SLC24A4: variants seen among roughly 807,000 people sequenced by gnomAD.
The protein encoded by SLC24A4 is sodium/potassium/calcium exchanger 4.
In SLC24A4, 53 loss-of-function variants were observed where a neutral mutation model predicts 79.0. The observed-to-expected ratio is 0.67, with a 90% CI of 0.54 to 0.84. SLC24A4 has a LOEUF of 0.84. Ranked by LOEUF, SLC24A4 falls within the 40% of genes least tolerant of loss-of-function variation. The pLI, the probability that SLC24A4 is intolerant of heterozygous loss-of-function variation, is 0.00. For missense variants in SLC24A4, 731 were observed against 822.0 expected, an observed-to-expected ratio of 0.89 and a Z score of 1.35; for synonymous variants, 323 against 323.8, an observed-to-expected ratio of 1.00 and a Z score of 0.03.
intron 2 of SLC24A4, among the ~76,000 whole-genome samples, chr14:92,326,743 G>A (rs1185167161): frequency 6.6e-6 from 1 of 152,170 alleles, no homozygotes; most frequent in African/African-American, 2.4e-5. Flanking sequence ...TTGTGAGGAG[G>A]ATCTGGGGGG....
chr14:92,335,684 G>C (rs911604804), intron 2 of SLC24A4, among the ~76,000 whole-genome samples: 2 of 152,190 alleles, frequency 1.3e-5, no homozygotes, highest in African/African-American at 4.8e-5. Context: ...GGTTTTGATA[G>C]ATGTGTGATG....
At chr14:92,362,947 A>G (rs1445924894) in intron 2 of SLC24A4, among the ~76,000 whole-genome samples, 1 of 152,198 alleles carries the variant, frequency 6.6e-6, no homozygotes, top group Non-Finnish European at 1.5e-5. Flanking sequence ...TGCTGCAGGG[A>G]GCACCCGAGA....
At chr14:92,355,960 GGT>G (rs1353783016) in intron 2 of SLC24A4, among the ~76,000 whole-genome samples, 2 of 152,180 alleles carry the variant, frequency 1.3e-5, no homozygotes, top group African/African-American at 4.8e-5. Flanking sequence ...GACTTACAAT[GGT>G]TTGACTTAGG....
intron 12 of SLC24A4, among the ~76,000 whole-genome samples, chr14:92,461,697 A>G (rs1191386852): frequency 6.6e-6 from 1 of 152,192 alleles, no homozygotes; most frequent in African/African-American, 2.4e-5. Flanking sequence ...GGACTGCAAC[A>G]TATGAATTTG....
At chr14:92,388,457 A>G (rs1889288036) in intron 2 of SLC24A4, among the ~76,000 whole-genome samples, 1 of 146,632 alleles carries the variant, frequency 6.8e-6, no homozygotes, top group South Asian at 2.1e-4. Flanking sequence ...CAAAGCTCCC[A>G]GTGGCCGACT....
chr14:92,348,020 A>G (rs1382385046), intron 2 of SLC24A4, among the ~76,000 whole-genome samples: 1 of 152,260 alleles, frequency 6.6e-6, no homozygotes, highest in East Asian at 1.9e-4. Flanking sequence ...GGTTGTTCTC[A>G]TCATATTCAA....
chr14:92,339,899 G>C lies in SLC24A4; in HGVS notation c.241+13921G>C, dbSNP rs548765468. On this transcript the variant is annotated intron_variant, in intron 2 of 16. Transcript: ENST00000532405. ...ATAGGGAGAATAATGAGAAGTTATT[G>C]CAAAGAGTCTTAGGCAGAAGTGATT... Among the ~76,000 whole-genome samples the C allele has an allele frequency of 2.8e-4, 42 of 152,326 alleles. 2 individuals carry two copies. Among genetic ancestry groups the C allele is most frequent in the African/African-American group, 7.2e-4 (30 of 41,576 alleles).
Position 92,323,565 on chromosome 14 carries a change from G to C in SLC24A4, c.-266G>C, listed in dbSNP as rs1884918981. Reference sequence around the variant, plus strand: ...CCGGGCCGCCAGCGCCACCGTGCCGGCGTCGCCTCCTCGCCACGGAGCCAT... The same window carrying C: ...CCGGGCCGCCAGCGCCACCGTGCCGCCGTCGCCTCCTCGCCACGGAGCCAT... On this transcript the variant is annotated 5_prime_UTR_variant, in exon 1 of 17. Transcript: ENST00000532405. This position sits in a 1 kb window ranked among gnomAD's most constrained non-coding sequence, Gnocchi z 4.9. The C allele has an allele frequency of 7.2e-6, 2 of 278,158 alleles. No homozygotes were observed. The allele number at this position is 278,158 out of a possible 1,614,324, so 17.2% of individuals were successfully genotyped here. A position where few individuals can be genotyped will look rare whatever the true frequency, so the allele number is the denominator to read the frequency against.
In SLC24A4 at chr14:92,398,490, G is replaced by A. The variant is rs373501834; in HGVS notation, c.242-35422G>A. Among the ~76,000 whole-genome samples, 23 of 152,160 alleles carry A rather than the reference G, an allele frequency of 1.5e-4. No individual in the cohort carries two copies. Among genetic ancestry groups the A allele is most frequent in the African/African-American group, 4.6e-4 (19 of 41,418 alleles). ...GAGAAGGGAAAGAGTACAGAACAGGGCAGCCTCCAACGTCTGATGTTATTG... is the reference window on the plus strand; with the variant it reads ...GAGAAGGGAAAGAGTACAGAACAGGACAGCCTCCAACGTCTGATGTTATTG... On this transcript the variant is annotated intron_variant, in intron 2 of 16. Coordinates refer to ENST00000532405, the MANE Select transcript of SLC24A4 (RefSeq NM_153646.4). The surrounding 1 kb of genome is among the most constrained non-coding windows in gnomAD (Gnocchi z 4.1).
intron 16 of SLC24A4, 59 bp from the exon 17 acceptor site, chr14:92,493,417 G>A: frequency 6.3e-7 from 1 of 1,596,276 alleles, no homozygotes; most frequent in Non-Finnish European, 8.5e-7. Flanking sequence ...CTTTCCAGTA[G>A]AAATGCCTCT....
At chr14:92,381,445 G>T (rs993589626) in intron 2 of SLC24A4, among the ~76,000 whole-genome samples, 1 of 152,172 alleles carries the variant, frequency 6.6e-6, no homozygotes, top group African/African-American at 2.4e-5. Context: ...GGTGGGGAAA[G>T]GGGAGGGAGA....
Position 92,493,678 on chromosome 14 carries a change from C to T in SLC24A4, c.*50C>T, listed in dbSNP as rs372569645. ...TGATCTGGACACCCTGTGACACTGG[C>T]GTTCTCCTCTCCCCTCCTTCCCCCA... On this transcript the variant is annotated 3_prime_UTR_variant, in exon 17 of 17. Transcript: ENST00000532405. 1.7e-4 allele frequency: 277 copies of T among 1,594,706 alleles called. No individual in the cohort carries two copies. Among genetic ancestry groups the T allele is most frequent in the Non-Finnish European group, 2.3e-4 (267 of 1,168,246 alleles).
At chr14:92,467,506 AAAAGTGGGTCTTGGGAATTTT>A (rs1383816375) in intron 12 of SLC24A4, among the ~76,000 whole-genome samples, 20 of 152,234 alleles carry the variant, frequency 1.3e-4, no homozygotes, top group African/African-American at 4.8e-4. Context: ...AACAAGAGTT[AAAAGTGGGTCTTGGGAATTTT>A]TAGACTAGTT....
rs528107934 is a variant in SLC24A4 at position 92,391,804 on chromosome 14, T to C, written c.242-42108T>C. Among the ~76,000 whole-genome samples, 366 of 152,362 alleles carry C rather than the reference T, an allele frequency of 2.4e-3. 11 individuals are homozygous for C. The highest frequency in any genetic ancestry group is 0.023 in the Admixed American group (356 of 15,312). On this transcript the variant is annotated intron_variant, in intron 2 of 16. Transcript: ENST00000532405. Reference sequence around the variant, plus strand: ...GCCATGCTCTGAGCAGCCCAGGTCATGTGGCGGTGTCCTGCTCTGCAGCCC... The same window carrying C: ...GCCATGCTCTGAGCAGCCCAGGTCACGTGGCGGTGTCCTGCTCTGCAGCCC...
At chr14:92,409,680 A>C (rs1890602045) in intron 2 of SLC24A4, among the ~76,000 whole-genome samples, 1 of 152,266 alleles carries the variant, frequency 6.6e-6, no homozygotes, top group East Asian at 1.9e-4. Flanking sequence ...GTGACAACAC[A>C]GACTAGTTTT....
At chr14:92,385,105 C>T (rs548159836) in intron 2 of SLC24A4, among the ~76,000 whole-genome samples, 113 of 152,320 alleles carry the variant, frequency 7.4e-4, no homozygotes, top group African/African-American at 2.6e-3. Context: ...CTACAGTTGC[C>T]GCAGTTACCA....
rs78172427 is a variant in SLC24A4 at position 92,430,862 on chromosome 14, A to C, written c.242-3050A>C. On this transcript the variant is annotated intron_variant, in intron 2 of 16. Transcript: ENST00000532405. ...AGCTTAAAGGCTTAAGGATGACCTC[A>C]AAAGCCGTGTGTATGTTCCCTGCTG... is the stretch of plus-strand genomic sequence containing the variant. Among the ~76,000 whole-genome samples, 537 of 152,312 alleles carry C rather than the reference A, an allele frequency of 3.5e-3. 1 individual carries two copies. The highest frequency in any genetic ancestry group is 6.4e-3 in the Non-Finnish European group (436 of 68,028).
chr14:92,332,366 G>A (rs1423044043), intron 2 of SLC24A4, among the ~76,000 whole-genome samples: 1 of 152,146 alleles, frequency 6.6e-6, no homozygotes, highest in Non-Finnish European at 1.5e-5. Context: ...TAGGGTATTG[G>A]TAGTGAAGTT....
intron 2 of SLC24A4, among the ~76,000 whole-genome samples, chr14:92,343,658 T>TTCCTTCCTTCCC (rs1566700253): frequency 2.4e-4 from 26 of 110,328 alleles, no homozygotes; most frequent in South Asian, 1.2e-3. Context: ...CCTTCTTTCC[T>TTCCTTCCTTCCC]TCCTTCCTTC....
Sources: gnomAD v4.1 joint callset for allele counts (sites outside exome capture counted in the v4.1 genomes callset) on GRCh38, gnomAD v4.1.1 for gene constraint, Gnocchi (gnomAD v3.1) non-coding constraint, MANE v1.5 for transcripts, NCBI Gene and HGNC (gene_info 2026-07-23, HGNC 2026-07-21) for gene names.